SEMA5A: variants seen among roughly 807,000 people sequenced by gnomAD.
SEMA5A encodes semaphorin-5A.
In SEMA5A, 55 loss-of-function variants were observed where a neutral mutation model predicts 135.5. The ratio of observed to expected loss-of-function variants is 0.41; its 90% CI spans 0.33 to 0.51. The LOEUF is 0.51. SEMA5A is among the 20% of genes least tolerant of loss of function. The probability of loss-of-function intolerance (pLI) is 0.37; values close to 1 mark genes in which losing one functional copy is unlikely to be tolerated. For missense variants in SEMA5A, 1,290 were observed against 1,419.9 expected, an observed-to-expected ratio of 0.91 and a Z score of 1.47; for synonymous variants, 580 against 546.5, an observed-to-expected ratio of 1.06 and a Z score of -0.85.
chr5:9,521,366 C>T (rs528039542), intron 1 of SEMA5A, among the ~76,000 whole-genome samples: 132 of 152,176 alleles, frequency 8.7e-4, no homozygotes, highest in Admixed American at 5.7e-3. Flanking sequence ...GCGGAGATCA[C>T]GCCACTGCAT....
rs556688835 is a variant in SEMA5A, at chr5:9,166,101, A to C, written c.1274-11406T>G. 3.3e-5 allele frequency among the ~76,000 whole-genome samples: 5 copies of C among 152,280 alleles called. No individual in the cohort carries two copies. The South Asian group carries it at 1.0e-3, about 32-fold the overall frequency. On this transcript the variant is annotated intron_variant, in intron 11 of 22. Transcript: ENST00000382496. ...GTCGGTTTAAACTTTCCTGGTCATA[A>C]ATTAAAAGCAAAATTTTAAAATCAC...
chr5:9,503,818 G>A (rs922080818), intron 1 of SEMA5A, among the ~76,000 whole-genome samples: 1 of 152,178 alleles, frequency 6.6e-6, no homozygotes, highest in African/African-American at 2.4e-5. Context: ...AAAACCCAAA[G>A]ATTTGGCATC....
intron 1 of SEMA5A, among the ~76,000 whole-genome samples, chr5:9,523,970 G>A (rs1388760339): frequency 2.0e-5 from 3 of 152,172 alleles, no homozygotes; most frequent in Admixed American, 2.0e-4. Context: ...TTTAGGTTCT[G>A]TGTCCCCACC....
intron 16 of SEMA5A, among the ~76,000 whole-genome samples, chr5:9,073,941 C>A (rs12520615): frequency 0.097 from 14,815 of 152,086 alleles, 857 homozygotes; most frequent in African/African-American, 0.14. Flanking sequence ...GAAATGGAAT[C>A]ACTACAATCC....
At chr5:9,300,225 G>T (rs573883048) in intron 5 of SEMA5A, among the ~76,000 whole-genome samples, 1 of 151,990 alleles carries the variant, frequency 6.6e-6, no homozygotes, top group African/African-American at 2.4e-5. Context: ...ACAGGGTTTC[G>T]CCATGTTACC....
At chr5:9,377,192 T>C (rs1205722) in intron 3 of SEMA5A, among the ~76,000 whole-genome samples, 103,833 of 151,736 alleles carry the variant, frequency 0.68, 35,650 homozygotes, top group Admixed American at 0.72. Context: ...TAAAATAATG[T>C]TACACAGAAA....
At chr5:9,099,881 T>C (rs890071655) in intron 16 of SEMA5A, among the ~76,000 whole-genome samples, 1 of 152,170 alleles carries the variant, frequency 6.6e-6, no homozygotes, top group Non-Finnish European at 1.5e-5. Flanking sequence ...GGCTGCCAGC[T>C]AGTGGGCAGC....
chr5:9,090,920 T>C (rs1276227243), intron 16 of SEMA5A, among the ~76,000 whole-genome samples: 1 of 152,182 alleles, frequency 6.6e-6, no homozygotes, highest in East Asian at 1.9e-4. Context: ...TGTCCTCCAC[T>C]GAGATATAAA....
intron 12 of SEMA5A, among the ~76,000 whole-genome samples, chr5:9,149,863 G>A (rs1249248320): frequency 6.6e-6 from 1 of 152,196 alleles, no homozygotes; most frequent in Non-Finnish European, 1.5e-5. Context: ...TTACAGAGGT[G>A]GGAAGCCTAT....
intron 13 of SEMA5A, among the ~76,000 whole-genome samples, chr5:9,129,177 A>T (rs949043174): frequency 1.4e-4 from 22 of 152,344 alleles, no homozygotes; most frequent in African/African-American, 5.3e-4. Flanking sequence ...AGTGATGGCT[A>T]ATGAAAGAAT....
At chr5:9,151,387 A>T (rs1742626864) in intron 12 of SEMA5A, among the ~76,000 whole-genome samples, 1 of 152,214 alleles carries the variant, frequency 6.6e-6, no homozygotes, top group Admixed American at 6.5e-5. Flanking sequence ...CATTACTGAG[A>T]TTCTATGATG....
intron 1 of SEMA5A, among the ~76,000 whole-genome samples, chr5:9,512,218 T>TA (rs1444306776): frequency 6.6e-6 from 1 of 152,226 alleles, no homozygotes; most frequent in Non-Finnish European, 1.5e-5. Context: ...CATCCATACA[T>TA]AAAAAAGCGT....
intron 13 of SEMA5A, among the ~76,000 whole-genome samples, chr5:9,132,360 G>A (rs1206996014): frequency 2.0e-5 from 3 of 152,188 alleles, no homozygotes; most frequent in Non-Finnish European, 4.4e-5. Flanking sequence ...GAATCCTGAA[G>A]AGGTGATTAG....
In SEMA5A at chr5:9,105,416, A is replaced by G. The variant is rs150772899; in HGVS notation, c.2073+2724T>C. On this transcript the variant is annotated intron_variant, in intron 16 of 22. Transcript: ENST00000382496. ...TGCATACTTGAACTTGAAATAATCA[A>G]TTCTTTCTTTTTCATAAACTGCTAT... is the stretch of plus-strand genomic sequence containing the variant. Among the ~76,000 whole-genome samples the G allele has an allele frequency of 2.4e-3, 366 of 152,338 alleles. 2 individuals carry two copies. Among genetic ancestry groups the G allele is most frequent in the African/African-American group, 8.5e-3 (353 of 41,574 alleles).
intron 5 of SEMA5A, among the ~76,000 whole-genome samples, chr5:9,311,491 G>A (rs543650097): frequency 3.7e-4 from 55 of 149,778 alleles, no homozygotes; most frequent in Admixed American, 5.4e-4. Context: ...ACTATCGCAA[G>A]GACAAAAAAA....
rs1267347377 is a variant in SEMA5A, at chr5:9,036,867, C to CACTT, written c.*6026_*6029dup. The CACTT allele has an allele frequency of 6.6e-6, 1 of 152,574 alleles. No homozygotes were observed. Among genetic ancestry groups the CACTT allele is most frequent in the African/African-American group, 2.4e-5 (1 of 41,428 alleles). 9.5% of individuals were successfully genotyped at this position (152,574 alleles called of 1,614,324 possible). A position where few individuals can be genotyped will look rare whatever the true frequency, so the allele number is the denominator to read the frequency against. On this transcript the variant is annotated 3_prime_UTR_variant, in exon 23 of 23. Coordinates refer to ENST00000382496, the MANE Select transcript of SEMA5A (RefSeq NM_003966.3). Reference sequence around the variant, plus strand: ...CTTTTTCTAGGAAATTAAACTACCGCACTTACAGAGAGGGAAGAAAATGAT... The same window carrying CACTT: ...CTTTTTCTAGGAAATTAAACTACCGCACTTACTTACAGAGAGGGAAGAAAATGAT...
chr5:9,236,932 T>C (rs1221570939), intron 6 of SEMA5A, among the ~76,000 whole-genome samples: 1 of 152,158 alleles, frequency 6.6e-6, no homozygotes, highest in Non-Finnish European at 1.5e-5. Context: ...AAAAGGTACA[T>C]AACACTCTTT....
intron 4 of SEMA5A, among the ~76,000 whole-genome samples, chr5:9,326,522 G>C (rs1030133864): frequency 6.6e-6 from 1 of 152,054 alleles, no homozygotes; most frequent in East Asian, 2.0e-4. Context: ...CCAAAGTGCT[G>C]GGATTACAGG....
chr5:9,135,184 T>C (rs989643310), intron 13 of SEMA5A, among the ~76,000 whole-genome samples: 9 of 149,556 alleles, frequency 6.0e-5, no homozygotes, highest in African/African-American at 1.7e-4. Flanking sequence ...ACTTTCTTTT[T>C]TTTTTTTTTT....
Sources: gnomAD v4.1 joint callset for allele counts (sites outside exome capture counted in the v4.1 genomes callset) on GRCh38, gnomAD v4.1.1 for gene constraint, MANE v1.5 for transcripts, NCBI Gene and HGNC (gene_info 2026-07-23, HGNC 2026-07-21) for gene names.